FAM240B: variants seen among roughly 807,000 people sequenced by gnomAD.
FAM240B encodes the protein protein FAM240B.
chr9:38,715,429 C>G (rs567445784), intron 1 of FAM240B, among the ~76,000 whole-genome samples: 2 of 152,332 alleles, frequency 1.3e-5, no homozygotes, highest in African/African-American at 4.8e-5. Context: ...TAATTTATAT[C>G]CTTATGTAGA....
At chr9:38,708,933 G>A (rs1004319099) in intron 1 of FAM240B, among the ~76,000 whole-genome samples, 6 of 152,142 alleles carry the variant, frequency 3.9e-5, no homozygotes, top group African/African-American at 1.4e-4. Flanking sequence ...GAGGCTTCCC[G>A]TCTTGTCCCA....
At chr9:38,717,729 G>C (rs541003452) in intron 1 of FAM240B, among the ~76,000 whole-genome samples, 4 of 151,974 alleles carry the variant, frequency 2.6e-5, no homozygotes, top group African/African-American at 9.7e-5. Flanking sequence ...TGATCCGCCC[G>C]CCTCGGCCTC....
intron 2 of FAM240B, among the ~76,000 whole-genome samples, chr9:38,697,387 C>T (rs1418430962): frequency 6.6e-6 from 1 of 152,198 alleles, no homozygotes; most frequent in Non-Finnish European, 1.5e-5. Flanking sequence ...ACTGACTCCC[C>T]ATTACTCTGG....
At chr9:38,717,773 C>T (rs1384628674) in intron 1 of FAM240B, among the ~76,000 whole-genome samples, 3 of 152,138 alleles carry the variant, frequency 2.0e-5, no homozygotes, top group Non-Finnish European at 4.4e-5. Flanking sequence ...TGAGCCACTG[C>T]TCCCGGCCAA....
intron 1 of FAM240B, among the ~76,000 whole-genome samples, chr9:38,712,918 C>T (rs149966696): frequency 2.6e-4 from 40 of 152,278 alleles, no homozygotes; most frequent in Non-Finnish European, 4.4e-4. Flanking sequence ...CACTTCCCTC[C>T]TTCATTTAGG....
At chr9:38,719,188 C>T (rs1320157916) in intron 1 of FAM240B, among the ~76,000 whole-genome samples, 1 of 152,048 alleles carries the variant, frequency 6.6e-6, no homozygotes, top group Non-Finnish European at 1.5e-5. Context: ...AATAATTAGG[C>T]TTTAGCAAAA....
rs1821043547 is a variant in FAM240B, at chr9:38,694,510, G to A, written c.*266C>T. 6.1e-6 allele frequency: 2 copies of A among 330,478 alleles called. No individual in the cohort carries two copies. Among genetic ancestry groups the A allele is most frequent in the Non-Finnish European group, 1.1e-5 (2 of 183,520 alleles). 20.5% of individuals were successfully genotyped at this position (330,478 alleles called of 1,614,324 possible). ...AGGCTACATGGGTCTGTGAGACCTG[G>A]AGAGTGCTAATTCCAAGAGCTCTTT... On this transcript the variant is annotated 3_prime_UTR_variant, in exon 3 of 3. Transcript: ENST00000637493.
chr9:38,702,434 C>T (rs1821139586), intron 2 of FAM240B, among the ~76,000 whole-genome samples: 1 of 152,256 alleles, frequency 6.6e-6, no homozygotes, highest in East Asian at 1.9e-4. Context: ...AATCACAGTG[C>T]TCTGCTGTGG....
intron 2 of FAM240B, among the ~76,000 whole-genome samples, chr9:38,701,349 C>G (rs929098384): frequency 3.3e-5 from 5 of 152,096 alleles, no homozygotes. Context: ...GGGATTTAAG[C>G]AAAGGGGGGC....
At chr9:38,711,039 C>CCGGATG (rs1172253077) in intron 1 of FAM240B, among the ~76,000 whole-genome samples, 1 of 152,174 alleles carries the variant, frequency 6.6e-6, no homozygotes, top group African/African-American at 2.4e-5. Flanking sequence ...AGAAAGCAGG[C>CCGGATG]ATCCAGTTAA....
chr9:38,714,114 C>T (rs1821285189), intron 1 of FAM240B, among the ~76,000 whole-genome samples: 1 of 152,018 alleles, frequency 6.6e-6, no homozygotes, highest in African/African-American at 2.4e-5. Flanking sequence ...ACAATATGCA[C>T]AACAAAATAA....
At chr9:38,709,156 A>G (rs931555967) in intron 1 of FAM240B, among the ~76,000 whole-genome samples, 1 of 152,016 alleles carries the variant, frequency 6.6e-6, no homozygotes, top group African/African-American at 2.4e-5. Flanking sequence ...CAACCCCTCC[A>G]TGTTATTTCA....
At position 38,703,977 on chromosome 9, in the gene FAM240B, C is replaced by T. The variant is rs975294952; in HGVS notation, c.23G>A (p.Arg8Gln). 30 of 400,282 alleles carry T rather than the reference C, an allele frequency of 7.5e-5. No homozygotes were observed. The highest frequency in any genetic ancestry group is 4.3e-4 in the African/African-American group (21 of 48,776). 24.8% of individuals were successfully genotyped at this position (400,282 alleles called of 1,614,324 possible). A position where few individuals can be genotyped will look rare whatever the true frequency, so the allele number is the denominator to read the frequency against. MNNQYIR[R>Q]EVFCCGTCHE... ...ACAAGTTCCACAGCAGAAGACTTCT[C>T]GACGGATGTATTGATTGTTCATCCC... The change falls in exon 2 of 3, where the codon CGA becomes CAA. Residue 8 changes from arginine (R) to glutamine (Q), a missense_variant. By Grantham distance (43) the Arg-to-Gln change is conservative. Transcript: ENST00000637493.
chr9:38,701,923 C>CACAA (rs1202876035), intron 2 of FAM240B, among the ~76,000 whole-genome samples: 1 of 152,066 alleles, frequency 6.6e-6, no homozygotes, highest in African/African-American at 2.4e-5. Context: ...CACACACACA[C>CACAA]AATCTGTCAT....
chr9:38,701,875 G>GATC lies in FAM240B; in HGVS notation c.143+1979_143+1981dup, dbSNP rs564721097. Among the ~76,000 whole-genome samples, 399 of 151,458 alleles carry GATC rather than the reference G, an allele frequency of 2.6e-3. 2 individuals are homozygous for GATC. Among genetic ancestry groups the GATC allele is most frequent in the South Asian group, 3.6e-3 (17 of 4,748 alleles). On this transcript the variant is annotated intron_variant, in intron 2 of 2. Coordinates refer to ENST00000637493, the MANE Select transcript of FAM240B (RefSeq NM_001394922.1). ...TATTTTTTACTTAAAAATGGCACAG[G>GATC]ATCATTACAGAAACTTTGGAAAAAA...
Position 38,701,969 on chromosome 9 carries a change from G to A in FAM240B, c.143+1888C>T, listed in dbSNP as rs575846321. 7.2e-5 allele frequency among the ~76,000 whole-genome samples: 11 copies of A among 152,142 alleles called. No individual in the cohort carries two copies. In the South Asian group the frequency reaches 2.3e-3, roughly 32 times the overall value. ...AAAAATAACCACTTTCAGTATCTTA[G>A]TGTATTTTCTTCTAATCTTTTTCCT... On this transcript the variant is annotated intron_variant, in intron 2 of 2. Coordinates refer to ENST00000637493, the MANE Select transcript of FAM240B (RefSeq NM_001394922.1).
intron 1 of FAM240B, among the ~76,000 whole-genome samples, chr9:38,717,504 G>A (rs1439997818): frequency 6.6e-6 from 1 of 152,104 alleles, no homozygotes; most frequent in African/African-American, 2.4e-5. Context: ...TTTTTGAGAA[G>A]GAGTCTCGCT....
At chr9:38,695,289 C>T (rs1318235154) in intron 2 of FAM240B, among the ~76,000 whole-genome samples, 1 of 152,198 alleles carries the variant, frequency 6.6e-6, no homozygotes, top group African/African-American at 2.4e-5. Flanking sequence ...GAGGCCGAGG[C>T]GGGCGGATCG....
intron 1 of FAM240B, among the ~76,000 whole-genome samples, chr9:38,718,425 G>T (rs540781939): frequency 4.5e-4 from 68 of 152,326 alleles, no homozygotes; most frequent in African/African-American, 1.6e-3. Flanking sequence ...CAGTCTCAAT[G>T]ACATAACAGT....
Sources: gnomAD v4.1 joint callset for allele counts (sites outside exome capture counted in the v4.1 genomes callset) on GRCh38, gnomAD v4.1.1 for gene constraint, MANE v1.5 for transcripts, NCBI Gene and HGNC (gene_info 2026-07-23, HGNC 2026-07-21) for gene names.